The following SPEF2 variants were observed in gnomAD, a reference collection of about 807,000 sequenced individuals.
The protein encoded by SPEF2 is sperm flagella and cilia-associated protein 2.
SPEF2 carries 187 observed loss-of-function variants against 224.6 expected under a neutral mutation model. That is an observed-to-expected ratio of 0.83 (90% confidence interval 0.74 to 0.94). The LOEUF (loss-of-function observed/expected upper bound fraction) is 0.94, where lower values mean the gene tolerates loss of function less well. SPEF2 is among the 40% of genes least tolerant of loss of function. The pLI, the probability that SPEF2 is intolerant of heterozygous loss-of-function variation, is 0.00. For synonymous variants in SPEF2, 715 were observed against 707.3 expected (o/e 1.01, Z -0.17); for missense variants, 2,170 against 2,135.6 (o/e 1.02, Z -0.32).
intron 19 of SPEF2, chr5:35,710,924 G>T: frequency 7.2e-6 from 7 of 977,774 alleles, no homozygotes; most frequent in Non-Finnish European, 8.5e-6. Context: ...GTTTAGAAAG[G>T]TTAATCTCGA....
At chr5:35,720,937 A>T (rs1743540746) in intron 20 of SPEF2, among the ~76,000 whole-genome samples, 1 of 137,494 alleles carries the variant, frequency 7.3e-6, no homozygotes, top group Non-Finnish European at 1.6e-5. Context: ...GATATTATTG[A>T]ATAGAATTCC....
intron 7 of SPEF2, 68 bp downstream of exon 7, chr5:35,654,794 A>G (rs1748732094): frequency 7.3e-7 from 1 of 1,377,416 alleles, no homozygotes. Context: ...TTCTATACAC[A>G]TAATATGTAG....
chr5:35,777,384 C>G (rs1488581785), intron 29 of SPEF2, among the ~76,000 whole-genome samples: 1 of 152,032 alleles, frequency 6.6e-6, no homozygotes, highest in African/African-American at 2.4e-5. Context: ...TGCAGTAATG[C>G]TTAAAATCAT....
chr5:35,807,525 C>T, intron 36 of SPEF2: 2 of 1,053,528 alleles, frequency 1.9e-6, no homozygotes, highest in Admixed American at 2.1e-5. Flanking sequence ...TGTAATGACC[C>T]TAGCCTGTGA....
chr5:35,651,871 A>G (rs1748229998), intron 6 of SPEF2, among the ~76,000 whole-genome samples: 2 of 152,178 alleles, frequency 1.3e-5, no homozygotes, highest in Non-Finnish European at 2.9e-5. Flanking sequence ...AAGAGCCCTC[A>G]TGGCTGGTTT....
intron 12 of SPEF2, 27 bp from the exon 13 acceptor site, chr5:35,694,261 C>T (rs760923818): frequency 4.4e-6 from 7 of 1,594,116 alleles, no homozygotes; most frequent in Admixed American, 3.4e-5. Flanking sequence ...GGTAAAATCC[C>T]TCCCTATGTG....
intron 32 of SPEF2, among the ~76,000 whole-genome samples, chr5:35,794,908 C>T (rs367678060): frequency 3.3e-5 from 5 of 152,044 alleles, no homozygotes; most frequent in East Asian, 1.9e-4. Flanking sequence ...TCTGCCCTTC[C>T]GCCCTCAGGT....
intron 36 of SPEF2, 116 bp from the exon 37 acceptor site, chr5:35,814,347 AT>A: frequency 2.0e-6 from 1 of 492,778 alleles, no homozygotes; most frequent in Non-Finnish European, 3.4e-6. Flanking sequence ...AAAAAAAGAA[AT>A]AAAAACTGTT....
intron 10 of SPEF2, chr5:35,675,719 A>G (rs928016964): frequency 2.8e-5 from 8 of 281,672 alleles, no homozygotes; most frequent in African/African-American, 1.5e-4. Context: ...CAGGCTTTCA[A>G]CGTGTTAGCC....
At chr5:35,678,070 G>A (rs974687849) in intron 10 of SPEF2, among the ~76,000 whole-genome samples, 2 of 152,214 alleles carry the variant, frequency 1.3e-5, no homozygotes, top group Non-Finnish European at 2.9e-5. Flanking sequence ...CGTGGCCAGT[G>A]TAAATTTCCT....
At chr5:35,717,165 T>C (rs1268134924) in intron 20 of SPEF2, among the ~76,000 whole-genome samples, 1 of 152,192 alleles carries the variant, frequency 6.6e-6, no homozygotes, top group African/African-American at 2.4e-5. Flanking sequence ...CCAAGTTACA[T>C]CAAGTTAAAA....
At chr5:35,788,767 T>G (rs751154977) in intron 30 of SPEF2, 1 of 703,038 alleles carries the variant, frequency 1.4e-6, no homozygotes, top group South Asian at 1.5e-5. Context: ...TATATTGCTT[T>G]GCACATCACC....
chr5:35,810,209 C>T (rs1027271352), intron 36 of SPEF2, among the ~76,000 whole-genome samples: 1 of 152,046 alleles, frequency 6.6e-6, no homozygotes, highest in Non-Finnish European at 1.5e-5. Context: ...ATCCATAAGA[C>T]TCCCCCACTT....
At chr5:35,740,367 G>T in intron 23 of SPEF2, 100 bp downstream of exon 23, 1 of 1,462,128 alleles carries the variant, frequency 6.8e-7, no homozygotes, top group Non-Finnish European at 9.3e-7. Context: ...GAAGTATGAG[G>T]ATGAGAAAGA....
At chr5:35,639,144 T>C (rs1746247043) in intron 2 of SPEF2, among the ~76,000 whole-genome samples, 1 of 152,166 alleles carries the variant, frequency 6.6e-6, no homozygotes, top group Non-Finnish European at 1.5e-5. Context: ...AGAGGGTAGA[T>C]TTCATACTCT....
At chr5:35,646,580 A>G in intron 4 of SPEF2, 87 bp from the exon 5 acceptor site, 1 of 1,331,818 alleles carries the variant, frequency 7.5e-7, no homozygotes, top group South Asian at 1.6e-5. Flanking sequence ...TTCAATAGAT[A>G]AATTTTATAT....
rs150322769 is a variant in SPEF2, at chr5:35,628,400, T to A, written c.59-60T>A. The A allele has an allele frequency of 6.4e-3, 6,993 of 1,084,202 alleles. 210 individuals are homozygous for A. In the East Asian group the frequency reaches 0.07, roughly 11 times the overall value. The allele number at this position is 1,084,202 out of a possible 1,614,324, so 67.2% of individuals were successfully genotyped here. A position where few individuals can be genotyped will look rare whatever the true frequency, so the allele number is the denominator to read the frequency against. ...TTTAGTGTATGTATATTTAAAGAGA[T>A]CATTAGCTCTATGCGCAACATTGTA... On this transcript the variant is annotated intron_variant, in intron 1 of 36. Coordinates refer to ENST00000356031, the MANE Select transcript of SPEF2 (RefSeq NM_024867.4).
rs529786966 is a variant in SPEF2, at chr5:35,744,475, C to T, written c.3330+4208C>T. Among the ~76,000 whole-genome samples, 18 of 152,272 alleles carry T rather than the reference C, an allele frequency of 1.2e-4. 1 individual carries two copies. In the South Asian group the frequency reaches 2.9e-3, roughly 25 times the overall value. Reference sequence around the variant, plus strand: ...CCAATCCTATGAAGTTAATAGAGAGCTTCTGCTGTTGCATTGTTCTCATTT... The same window carrying T: ...CCAATCCTATGAAGTTAATAGAGAGTTTCTGCTGTTGCATTGTTCTCATTT... On this transcript the variant is annotated intron_variant, in intron 23 of 36. Coordinates refer to ENST00000356031, the MANE Select transcript of SPEF2 (RefSeq NM_024867.4).
intron 25 of SPEF2, among the ~76,000 whole-genome samples, chr5:35,760,114 CA>C (rs1320053367): frequency 5.9e-5 from 9 of 152,128 alleles, no homozygotes; most frequent in Admixed American, 5.2e-4. Flanking sequence ...GTAATCCCAG[CA>C]CTTTGGGAGG....
Sources: gnomAD v4.1 joint callset for allele counts (sites outside exome capture counted in the v4.1 genomes callset) on GRCh38, gnomAD v4.1.1 for gene constraint, MANE v1.5 for transcripts, NCBI Gene and HGNC (gene_info 2026-07-23, HGNC 2026-07-21) for gene names.